Variants in CPEB1 observed in about 807,000 individuals in gnomAD.
The protein encoded by CPEB1 is cytoplasmic polyadenylation element-binding protein 1.
In CPEB1, 7 loss-of-function variants were observed where a neutral mutation model predicts 65.8. The observed-to-expected ratio is 0.11, with a 90% CI of 0.06 to 0.20. The LOEUF is 0.20. CPEB1 is among the 10% of genes least tolerant of loss of function. The pLI is 1.00. For missense variants in CPEB1, 551 were observed against 712.2 expected (o/e 0.77, Z 2.58); for synonymous variants, 262 against 260.0 (o/e 1.01, Z -0.08).
intron 3 of CPEB1, among the ~76,000 whole-genome samples, chr15:82,623,550 C>T (rs949400163): frequency 2.0e-5 from 3 of 152,142 alleles, no homozygotes; most frequent in African/African-American, 4.8e-5. Context: ...GTGGGGCATA[C>T]CCGTAATCCC....
chr15:82,634,132 A>T (rs1347369338), intron 1 of CPEB1, among the ~76,000 whole-genome samples: 2 of 151,774 alleles, frequency 1.3e-5, no homozygotes, highest in Non-Finnish European at 2.9e-5. Context: ...CAACTTATTC[A>T]TCCTAGCCAA....
chr15:82,601,357 A>T (rs2043107654), intron 3 of CPEB1, among the ~76,000 whole-genome samples: 1 of 151,976 alleles, frequency 6.6e-6, no homozygotes, highest in Non-Finnish European at 1.5e-5. Flanking sequence ...CCAGGCCAAC[A>T]TGACTAAACC....
chr15:82,645,222 G>A (rs1285350299), intron 1 of CPEB1, among the ~76,000 whole-genome samples: 1 of 152,122 alleles, frequency 6.6e-6, no homozygotes, highest in Non-Finnish European at 1.5e-5. Context: ...GGCTGATCTC[G>A]GCTCACTGCA....
rs764924867 is a variant in CPEB1, at chr15:82,586,946, C to A, written c.272-15414G>T. Among the ~76,000 whole-genome samples, 4 of 152,308 alleles carry A rather than the reference C, an allele frequency of 2.6e-5. No homozygotes were observed. The South Asian group carries it at 8.3e-4, about 32-fold the overall frequency. On this transcript the variant is annotated intron_variant, in intron 3 of 12. Coordinates refer to ENST00000684509, the MANE Select transcript of CPEB1 (RefSeq NM_001365242.1). ...GGAACTAGATGACAATGAATTAACA[C>A]ACTACATACAACTTTGCAACAGAGA...
chr15:82,571,461 C>T lies in CPEB1; in HGVS notation c.343G>A (p.Gly115Ser), dbSNP rs1394173250. ...CACAAGTCATTTGCATCTGGGAGGC[C>T]ACGGGAAGATTCTTGCGCAGAGGTT... ...FPTSAQESSR[G>S]LPDANDLCLG... is the part of the protein sequence containing the mutation. The change falls in exon 4 of 13, where the codon GGC becomes AGC. Residue 115 changes from glycine (G) to serine (S), a missense_variant. By Grantham distance (56) the Gly-to-Ser change is moderately conservative. This residue lies in a region of CPEB1 where 223 missense variants were observed against 228.6 expected (regional missense o/e 0.98). Transcript: ENST00000684509. The T allele has an allele frequency of 6.2e-7, 1 of 1,614,136 alleles. No individual in the cohort carries two copies. The highest frequency in any genetic ancestry group is 2.2e-5 in the East Asian group (1 of 44,874).
intron 3 of CPEB1, among the ~76,000 whole-genome samples, chr15:82,586,243 CAAA>C (rs11313085): frequency 1.8e-5 from 2 of 111,142 alleles, no homozygotes; most frequent in South Asian, 3.3e-4. Flanking sequence ...TTTTCAGATA[CAAA>C]AAAAAAAAAA....
intron 1 of CPEB1, among the ~76,000 whole-genome samples, chr15:82,638,328 G>C (rs1253847744): frequency 6.6e-6 from 1 of 152,092 alleles, no homozygotes; most frequent in East Asian, 1.9e-4. Flanking sequence ...ACTCCTATCT[G>C]TTAGTCATTT....
intron 3 of CPEB1, among the ~76,000 whole-genome samples, chr15:82,621,822 C>T (rs941953982): frequency 6.6e-6 from 1 of 152,160 alleles, no homozygotes; most frequent in African/African-American, 2.4e-5. Flanking sequence ...GTTAAATAAA[C>T]ATATCAGTGC....
intron 3 of CPEB1, among the ~76,000 whole-genome samples, chr15:82,618,661 G>C (rs1408501274): frequency 6.6e-6 from 1 of 151,754 alleles, no homozygotes; most frequent in South Asian, 2.1e-4. Flanking sequence ...CACTAGATAG[G>C]GCTGTCACAG....
chr15:82,553,612 G>A lies in CPEB1; in HGVS notation c.1055-56C>T. ...CTGAGGAACCATCTTTCCCAGTAAA[G>A]ACACAAACACAGAATCACCAGCATT... On this transcript the variant is annotated intron_variant, in intron 7 of 12. Transcript: ENST00000684509. 7 of 1,293,218 alleles carry A rather than the reference G, an allele frequency of 5.4e-6. No homozygotes were observed. The South Asian group carries it at 7.3e-5, about 14-fold the overall frequency. 80.1% of individuals were successfully genotyped at this position (1,293,218 alleles called of 1,614,324 possible). A position where few individuals can be genotyped will look rare whatever the true frequency, so the allele number is the denominator to read the frequency against.
intron 3 of CPEB1, among the ~76,000 whole-genome samples, chr15:82,607,639 A>G (rs949366998): frequency 6.6e-6 from 1 of 152,190 alleles, no homozygotes; most frequent in African/African-American, 2.4e-5. Context: ...AGGATGGAAA[A>G]AAGTATACCC....
At chr15:82,589,001 CCT>C (rs903017949) in intron 3 of CPEB1, among the ~76,000 whole-genome samples, 50 of 152,160 alleles carry the variant, frequency 3.3e-4, no homozygotes, top group Non-Finnish European at 1.9e-4. Context: ...CAAAATGACT[CCT>C]CTCTCCCCCA....
At chr15:82,637,461 C>CT (rs1166726957) in intron 1 of CPEB1, among the ~76,000 whole-genome samples, 1 of 152,150 alleles carries the variant, frequency 6.6e-6, no homozygotes, top group Non-Finnish European at 1.5e-5. Flanking sequence ...ATGTTTAGAA[C>CT]TTTTCTTAAC....
At chr15:82,600,315 T>C (rs2042993777) in intron 3 of CPEB1, among the ~76,000 whole-genome samples, 1 of 151,898 alleles carries the variant, frequency 6.6e-6, no homozygotes, top group South Asian at 2.1e-4. Flanking sequence ...TCCTAAGAAA[T>C]GAACGTGAGA....
chr15:82,647,097 C>T (rs1208808715), intron 1 of CPEB1, 40 bp downstream of exon 1: 1 of 152,850 alleles, frequency 6.5e-6, no homozygotes, highest in African/African-American at 2.4e-5. Context: ...CCTCCGCGGC[C>T]TGCAAGCCTA....
chr15:82,624,734 A>C (rs916528386), intron 3 of CPEB1, among the ~76,000 whole-genome samples: 4 of 152,186 alleles, frequency 2.6e-5, no homozygotes, highest in African/African-American at 9.7e-5. Flanking sequence ...AACACCTAGT[A>C]TTAGCTGAAA....
At chr15:82,637,790 T>A (rs1220730109) in intron 1 of CPEB1, among the ~76,000 whole-genome samples, 1 of 152,184 alleles carries the variant, frequency 6.6e-6, no homozygotes, top group African/African-American at 2.4e-5. Context: ...AACTTTTTGG[T>A]CTGAGGACTC....
At chr15:82,596,185 G>T (rs918863366) in intron 3 of CPEB1, among the ~76,000 whole-genome samples, 10 of 152,076 alleles carry the variant, frequency 6.6e-5, no homozygotes, top group Non-Finnish European at 1.2e-4. Context: ...AACACAATTA[G>T]GTCTAATTTT....
At chr15:82,634,103 T>C (rs1045695960) in intron 1 of CPEB1, among the ~76,000 whole-genome samples, 5 of 152,200 alleles carry the variant, frequency 3.3e-5, no homozygotes, top group African/African-American at 9.6e-5. Context: ...TATATCACTG[T>C]TACTCAGAGG....
Sources: allele counts gnomAD v4.1 joint callset (sites outside exome capture counted in the v4.1 genomes callset), GRCh38; gene constraint gnomAD v4.1.1; regional missense constraint gnomAD v4.1.1; transcripts MANE v1.5; gene names NCBI Gene and HGNC (gene_info 2026-07-23, HGNC 2026-07-21).